WDR59: variants seen among roughly 807,000 people sequenced by gnomAD.
WDR59 encodes WD repeat domain 59, also known as GATOR2 complex protein WDR59.
WDR59 carries 100 observed loss-of-function variants against 131.2 expected under a neutral mutation model. The observed-to-expected ratio is 0.76, with a 90% CI of 0.65 to 0.90. The LOEUF is 0.90. Among genes scored for constraint, WDR59 ranks in the 40% least tolerant of loss-of-function variants. WDR59 has a pLI of 0.00. For synonymous variants in WDR59, 601 were observed against 466.2 expected (o/e 1.29, Z -3.72); for missense variants, 1,203 against 1,262.2 (o/e 0.95, Z 0.71).
At chr16:74,896,035 C>T (rs1473486716) in intron 18 of WDR59, among the ~76,000 whole-genome samples, 1 of 151,970 alleles carries the variant, frequency 6.6e-6, no homozygotes, top group Non-Finnish European at 1.5e-5. Context: ...GGAAACAACA[C>T]ACCCACAGGC....
chr16:74,911,864 T>C lies in WDR59; in HGVS notation c.1389+334A>G, dbSNP rs1966109815. Reference sequence around the variant, plus strand: ...ACCGGAGATGAATGCATAGTATTAATGAGATCTGTGGGCAGATTCTATGCA... The same window carrying C: ...ACCGGAGATGAATGCATAGTATTAACGAGATCTGTGGGCAGATTCTATGCA... On this transcript the variant is annotated intron_variant, in intron 14 of 25. Coordinates refer to ENST00000262144, the MANE Select transcript of WDR59 (RefSeq NM_030581.4). 8.7e-6 allele frequency: 4 copies of C among 460,776 alleles called. No homozygotes were observed. In the East Asian group the frequency reaches 1.3e-4, roughly 15 times the overall value. The allele number at this position is 460,776 out of a possible 1,614,324, so 28.5% of individuals were successfully genotyped here.
intron 2 of WDR59, among the ~76,000 whole-genome samples, chr16:74,958,587 C>A (rs2033406388): frequency 2.0e-4 from 1 of 4,936 alleles, no homozygotes; most frequent in Non-Finnish European, 6.2e-4. Flanking sequence ...GCTGAGACTC[C>A]ATCTCAAAAA....
intron 6 of WDR59, 59 bp from the exon 7 acceptor site, chr16:74,942,885 G>C (rs950909527): frequency 1.3e-6 from 2 of 1,506,876 alleles, no homozygotes; most frequent in East Asian, 4.5e-5. Flanking sequence ...AAGCAGAGCA[G>C]AGCACAGCCA....
intron 2 of WDR59, among the ~76,000 whole-genome samples, chr16:74,960,918 T>C (rs561553886): frequency 1.3e-5 from 2 of 152,214 alleles, no homozygotes; most frequent in East Asian, 1.9e-4. Flanking sequence ...TTAATCAGAA[T>C]GGTGATTACA....
rs1440277085 is a variant in WDR59 at position 74,872,830 on chromosome 16, C to G, written c.*1379G>C. 6.6e-6 allele frequency: 1 copy of G among 151,994 alleles called. No homozygotes were observed. Among genetic ancestry groups the G allele is most frequent in the Non-Finnish European group, 1.5e-5 (1 of 68,036 alleles). 9.4% of individuals were successfully genotyped at this position (151,994 alleles called of 1,614,324 possible). On this transcript the variant is annotated 3_prime_UTR_variant, in exon 26 of 26. Transcript: ENST00000262144. ...CTCACTGCAGCCTCAACCTCCTGGA[C>G]TCAAGTGATCCTCCCACCTCGGCCC...
chr16:74,899,706 C>T (rs1364644131), intron 18 of WDR59: 4 of 1,288,990 alleles, frequency 3.1e-6, no homozygotes, highest in African/African-American at 1.5e-5. Flanking sequence ...ACCGGGAAGT[C>T]GTTAATTGCT....
intron 17 of WDR59, 109 bp downstream of exon 17, chr16:74,908,799 T>A: frequency 1.3e-6 from 1 of 762,416 alleles, no homozygotes; most frequent in South Asian, 1.8e-5. Flanking sequence ...GGGAGTTTAC[T>A]GAAGAACTGA....
At chr16:74,895,880 G>A (rs1597660127) in intron 18 of WDR59, among the ~76,000 whole-genome samples, 1 of 152,280 alleles carries the variant, frequency 6.6e-6, no homozygotes, top group East Asian at 1.9e-4. Flanking sequence ...GGCAGGGCCT[G>A]TTTTAGGGAG....
At position 74,893,685 on chromosome 16, in the gene WDR59, A is replaced by T. The variant is rs1965152609; in HGVS notation, c.1994T>A (p.Leu665Gln). ...CTTGAAATTTTGTACTTACATGTACAGCTCTCCCAGCGATTTGTGAACAGG... is the reference window on the plus strand; with the variant it reads ...CTTGAAATTTTGTACTTACATGTACTGCTCTCCCAGCGATTTGTGAACAGG... Reference protein sequence around the residue: ...LLPVHKSLGELYILNVNDIQE... With the variant: ...LLPVHKSLGEQYILNVNDIQE... The change falls in exon 19 of 26, where the codon CTG becomes CAG. Residue 665 changes from leucine to glutamine, a missense_variant. Coordinates refer to ENST00000262144, the MANE Select transcript of WDR59 (RefSeq NM_030581.4). 3.1e-6 allele frequency: 5 copies of T among 1,614,002 alleles called. No homozygotes were observed. Among genetic ancestry groups the T allele is most frequent in the Non-Finnish European group, 4.2e-6 (5 of 1,180,008 alleles).
rs796320228 is a variant in WDR59 at position 74,978,774 on chromosome 16, TATATGGAAGATA to T, written c.54+6178_54+6189del. On this transcript the variant is annotated intron_variant, in intron 1 of 25. Transcript: ENST00000262144. ...ATTTTTTTTTTTTAATCACTCTGGC[TATATGGAAGATA>T]AAATGGAAGAAGGAAATGCTACTGT... Among the ~76,000 whole-genome samples, 134 of 152,156 alleles carry T rather than the reference TATATGGAAGATA, an allele frequency of 8.8e-4. 2 individuals are homozygous for T. The highest frequency in any genetic ancestry group is 3.1e-3 in the African/African-American group (127 of 41,512).
At chr16:74,973,204 G>A (rs1392773172) in intron 1 of WDR59, among the ~76,000 whole-genome samples, 2 of 152,184 alleles carry the variant, frequency 1.3e-5, no homozygotes, top group Middle Eastern at 3.2e-3. Flanking sequence ...TTGCGCCATT[G>A]CACTCCAGCC....
intron 7 of WDR59, among the ~76,000 whole-genome samples, 167 bp from the exon 8 acceptor site, chr16:74,938,433 A>T (rs1321366517): frequency 1.3e-5 from 2 of 152,168 alleles, no homozygotes; most frequent in Non-Finnish European, 1.5e-5. Context: ...AAACACCATC[A>T]CCAAAAGACT....
intron 10 of WDR59, among the ~76,000 whole-genome samples, chr16:74,918,686 G>A (rs1004279352): frequency 6.6e-6 from 1 of 152,182 alleles, no homozygotes; most frequent in African/African-American, 2.4e-5. Context: ...GACATTTGCG[G>A]ATAATTATGC....
chr16:74,916,595 A>C (rs1597710477), intron 11 of WDR59, among the ~76,000 whole-genome samples: 1 of 152,212 alleles, frequency 6.6e-6, no homozygotes, highest in African/African-American at 2.4e-5. Context: ...GTAGTGGCTC[A>C]TGCCTGTAAT....
At chr16:74,886,872 G>A (rs1046689202) in intron 23 of WDR59, among the ~76,000 whole-genome samples, 6 of 152,108 alleles carry the variant, frequency 3.9e-5, no homozygotes, top group African/African-American at 1.4e-4. Context: ...GCAGTGAGCC[G>A]AGATCATGCC....
intron 8 of WDR59, among the ~76,000 whole-genome samples, chr16:74,927,683 A>AAAAC (rs1555562463): frequency 1.7e-5 from 2 of 118,180 alleles, no homozygotes; most frequent in African/African-American, 6.3e-5. Flanking sequence ...CTCTTTAAAA[A>AAAAC]ACACACACAC....
At chr16:74,913,717 G>C (rs1966218945) in intron 13 of WDR59, among the ~76,000 whole-genome samples, 2 of 152,156 alleles carry the variant, frequency 1.3e-5, no homozygotes, top group Admixed American at 1.3e-4. Context: ...AACTTAAAAA[G>C]TGCTCCTGGG....
intron 1 of WDR59, among the ~76,000 whole-genome samples, chr16:74,982,360 A>C (rs2034461890): frequency 6.6e-6 from 1 of 152,106 alleles, no homozygotes; most frequent in Non-Finnish European, 1.5e-5. Flanking sequence ...AAATCAGAAC[A>C]AAAAAACAGA....
At chr16:74,906,392 G>C (rs980125896) in intron 17 of WDR59, among the ~76,000 whole-genome samples, 4 of 150,190 alleles carry the variant, frequency 2.7e-5, no homozygotes, top group African/African-American at 9.8e-5. Context: ...GCAATACCAA[G>C]TTTTGGAGTG....
Sources: allele counts gnomAD v4.1 joint callset (sites outside exome capture counted in the v4.1 genomes callset), GRCh38; gene constraint gnomAD v4.1.1; transcripts MANE v1.5; gene names NCBI Gene and HGNC (gene_info 2026-07-23, HGNC 2026-07-21).